Variants in ZFHX3 observed in about 807,000 individuals in gnomAD.
ZFHX3 encodes zinc finger homeobox 3, also known as zinc finger homeobox protein 3.
A neutral mutation model predicts 279.1 loss-of-function variants in ZFHX3; 42 were observed. The observed-to-expected ratio is 0.15, with a 90% CI of 0.12 to 0.19. The LOEUF is 0.19. Among genes scored for constraint, ZFHX3 ranks in the 10% least tolerant of loss-of-function variants. The probability of loss-of-function intolerance (pLI) is 1.00; values close to 1 mark genes in which losing one functional copy is unlikely to be tolerated. For synonymous variants in ZFHX3, 2,293 were observed against 1,957.8 expected, an observed-to-expected ratio of 1.17 and a Z score of -4.52; for missense variants, 4,981 against 4,754.0, an observed-to-expected ratio of 1.05 and a Z score of -1.40.
At chr16:73,717,903 G>A (rs762789372) in intron 1 of ZFHX3, among the ~76,000 whole-genome samples, 2 of 152,190 alleles carry the variant, frequency 1.3e-5, no homozygotes, top group Non-Finnish European at 2.9e-5. Flanking sequence ...TGGCTCTGGT[G>A]TAAAGAGCAC....
intron 5 of ZFHX3, among the ~76,000 whole-genome samples, chr16:73,225,174 G>T (rs973731072): frequency 2.0e-5 from 3 of 152,094 alleles, no homozygotes; most frequent in African/African-American, 7.2e-5. Context: ...ATCACCATGG[G>T]TATGTATTAC....
intron 2 of ZFHX3, among the ~76,000 whole-genome samples, chr16:73,512,013 C>G (rs930974297): frequency 1.3e-5 from 2 of 152,106 alleles, no homozygotes. Context: ...CTGCCTGCAA[C>G]CCGATACCAG....
At chr16:73,549,411 T>G (rs1326944442) in intron 2 of ZFHX3, among the ~76,000 whole-genome samples, 1 of 152,110 alleles carries the variant, frequency 6.6e-6, no homozygotes, top group Non-Finnish European at 1.5e-5. Context: ...TTCTTTAATG[T>G]CAGGAAGAAA....
intron 1 of ZFHX3, among the ~76,000 whole-genome samples, chr16:73,755,682 C>A (rs947686683): frequency 1.3e-5 from 2 of 152,142 alleles, no homozygotes; most frequent in African/African-American, 4.8e-5. Flanking sequence ...CTGACTTCAG[C>A]CAAAGGCAAG....
intron 1 of ZFHX3, among the ~76,000 whole-genome samples, chr16:73,864,276 G>A (rs757262075): frequency 6.6e-6 from 1 of 152,144 alleles, no homozygotes; most frequent in Non-Finnish European, 1.5e-5. Context: ...CGTAGTCAAC[G>A]TTAATATACT....
At chr16:73,160,458 T>TA (rs1253647159) in intron 5 of ZFHX3, among the ~76,000 whole-genome samples, 2 of 152,202 alleles carry the variant, frequency 1.3e-5, no homozygotes, top group African/African-American at 4.8e-5. Context: ...AGCAAATTTC[T>TA]AAGGATGAGA....
chr16:73,790,300 T>C (rs1016161820), intron 1 of ZFHX3, among the ~76,000 whole-genome samples: 1 of 151,844 alleles, frequency 6.6e-6, no homozygotes, highest in East Asian at 1.9e-4. Context: ...ACCGTCATTA[T>C]AGAGAAAAAG....
intron 5 of ZFHX3, among the ~76,000 whole-genome samples, chr16:73,187,890 G>A (rs1180324841): frequency 6.6e-6 from 1 of 152,054 alleles, no homozygotes; most frequent in African/African-American, 2.4e-5. Flanking sequence ...ACGGAGTCTC[G>A]CTCTGTCGCC....
chr16:72,916,009 A>G (rs766196517), intron 3 of ZFHX3, among the ~76,000 whole-genome samples: 63 of 152,364 alleles, frequency 4.1e-4, no homozygotes, highest in Non-Finnish European at 5.1e-4. Flanking sequence ...GAAGAGAGGC[A>G]TATTTTCTGA....
intron 2 of ZFHX3, among the ~76,000 whole-genome samples, chr16:73,616,754 C>G (rs2052306836): frequency 6.6e-6 from 1 of 152,086 alleles, no homozygotes; most frequent in Non-Finnish European, 1.5e-5. Context: ...AAAGACACAT[C>G]CGATTTAATA....
At chr16:73,862,948 C>T (rs937529565) in intron 1 of ZFHX3, among the ~76,000 whole-genome samples, 1 of 152,030 alleles carries the variant, frequency 6.6e-6, no homozygotes, top group East Asian at 1.9e-4. Context: ...AGTGGTGGCT[C>T]ACACCTGTAA....
chr16:73,163,268 T>G (rs1967282105), intron 5 of ZFHX3, among the ~76,000 whole-genome samples: 1 of 152,204 alleles, frequency 6.6e-6, no homozygotes, highest in Non-Finnish European at 1.5e-5. Flanking sequence ...TAGGGTATTC[T>G]AAAGACCTAA....
intron 5 of ZFHX3, among the ~76,000 whole-genome samples, chr16:72,824,793 A>G (rs2036893084): frequency 6.6e-6 from 1 of 152,240 alleles, no homozygotes; most frequent in Admixed American, 6.5e-5. Context: ...TAATCACTGC[A>G]TTAATCATTG....
In ZFHX3 at chr16:72,950,532, G is replaced by C. The variant is rs779769400; in HGVS notation, c.3153C>G (p.Ser1051Arg). ...KCNACDYYTN[S>R]LEKLRLHTVN... is the part of the protein sequence containing the mutation. ...CCGTGTGCAGCCGCAGCTTCTCCAG[G>C]CTGTTGGTGTAGTAGTCACAGGCGT... The change falls in exon 3 of 10, where the codon AGC becomes AGG. Residue 1051 changes from serine (S) to arginine (R), a missense_variant. By Grantham distance (110) the Ser-to-Arg change is moderately radical. Coordinates refer to ENST00000268489, the MANE Select transcript of ZFHX3 (RefSeq NM_006885.4). 6.2e-7 allele frequency: 1 copy of C among 1,614,252 alleles called. No homozygotes were observed. Among genetic ancestry groups the C allele is most frequent in the Non-Finnish European group, 8.5e-7 (1 of 1,180,046 alleles).
intron 1 of ZFHX3, among the ~76,000 whole-genome samples, chr16:73,889,876 A>C (rs982673099): frequency 1.5e-4 from 23 of 152,332 alleles, no homozygotes; most frequent in African/African-American, 5.5e-4. Context: ...CTTGTGAATA[A>C]AATTATCCAA....
At chr16:73,774,055 T>A (rs2054050016) in intron 1 of ZFHX3, among the ~76,000 whole-genome samples, 1 of 152,122 alleles carries the variant, frequency 6.6e-6, no homozygotes, top group Non-Finnish European at 1.5e-5. Flanking sequence ...GAGGACTGTT[T>A]GAGCCCAGGG....
chr16:73,798,235 T>C (rs1416116637), intron 1 of ZFHX3, among the ~76,000 whole-genome samples: 1 of 152,020 alleles, frequency 6.6e-6, no homozygotes, highest in Admixed American at 6.6e-5. Context: ...AGTAATGAGA[T>C]GGAAAACATG....
At chr16:73,387,746 T>C (rs2016930234) in intron 3 of ZFHX3, among the ~76,000 whole-genome samples, 3 of 152,020 alleles carry the variant, frequency 2.0e-5, no homozygotes, top group African/African-American at 4.8e-5. Context: ...GAACCATGTA[T>C]AGTAATATAA....
chr16:73,687,640 G>A (rs546962509), intron 1 of ZFHX3, among the ~76,000 whole-genome samples: 12 of 151,510 alleles, frequency 7.9e-5, no homozygotes, highest in Admixed American at 2.6e-4. Context: ...TCAAGAGATC[G>A]AGACCATCCT....
Sources: gnomAD v4.1 joint callset for allele counts (sites outside exome capture counted in the v4.1 genomes callset) on GRCh38, gnomAD v4.1.1 for gene constraint, MANE v1.5 for transcripts, NCBI Gene and HGNC (gene_info 2026-07-23, HGNC 2026-07-21) for gene names.